The following GSTA5 variants were observed in gnomAD, a reference collection of about 807,000 sequenced individuals.
GSTA5 encodes the protein glutathione S-transferase A5.
GSTA5 carries 25 observed loss-of-function variants against 21.8 expected under a neutral mutation model. That is an observed-to-expected ratio of 1.14 (90% CI 0.83 to 1.60). The LOEUF (loss-of-function observed/expected upper bound fraction) is 1.60. GSTA5 is among the 40% of genes most tolerant of loss of function. The probability of loss-of-function intolerance (pLI) is 0.00; values close to 1 mark genes in which losing one functional copy is unlikely to be tolerated. For synonymous variants in GSTA5, 102 were observed against 89.5 expected, an observed-to-expected ratio of 1.14 and a Z score of -0.78; for missense variants, 330 against 259.2, an observed-to-expected ratio of 1.27 and a Z score of -1.88.
At position 52,838,318 on chromosome 6, in the gene GSTA5, T is replaced by G. The variant is rs1176737890; in HGVS notation, c.88-709A>C. Among the ~76,000 whole-genome samples the G allele has an allele frequency of 2.0e-5, 3 of 152,234 alleles. No homozygotes were observed. The East Asian group carries it at 5.8e-4, about 29-fold the overall frequency. ...GACTTTGGACATGTTACCGAAACTC[T>G]CTGTGTCTGAGTATGCTAATCTATG... is the stretch of plus-strand genomic sequence containing the variant. On this transcript the variant is annotated intron_variant, in intron 1 of 5. Transcript: ENST00000370989.
chr6:52,839,259 GC>G (rs1361895528), intron 1 of GSTA5, among the ~76,000 whole-genome samples: 1 of 152,152 alleles, frequency 6.6e-6, no homozygotes, highest in Non-Finnish European at 1.5e-5. Flanking sequence ...AGTCAGCCCT[GC>G]CCCCGCCTTC....
chr6:52,833,548 G>C (rs72938116), intron 4 of GSTA5, among the ~76,000 whole-genome samples: 1 of 152,260 alleles, frequency 6.6e-6, no homozygotes, highest in Non-Finnish European at 1.5e-5. Context: ...CATCGACTCT[G>C]GTTCCTAACC....
intron 2 of GSTA5, among the ~76,000 whole-genome samples, chr6:52,837,092 T>C (rs1315725230): frequency 6.6e-6 from 1 of 152,178 alleles, no homozygotes; most frequent in Non-Finnish European, 1.5e-5. Flanking sequence ...GTTTTTAATA[T>C]AAGGGTCCCC....
chr6:52,833,588 T>G (rs1277829006), intron 4 of GSTA5, among the ~76,000 whole-genome samples: 1 of 152,174 alleles, frequency 6.6e-6, no homozygotes, highest in South Asian at 2.1e-4. Context: ...CAAGCTGAAG[T>G]GTTTAGGGGT....
exon 6 of GSTA5, chr6:52,831,870 G>A: frequency 6.2e-7 from 1 of 1,614,038 alleles, no homozygotes; most frequent in Non-Finnish European, 8.5e-7. Flanking sequence ...AATCTTCCTT[G>A]CTTCTTCTAA....
exon 6 of GSTA5, chr6:52,831,735 G>T: frequency 8.0e-7 from 1 of 1,246,496 alleles, no homozygotes; most frequent in Non-Finnish European, 1.1e-6. Context: ...CATGTAATTG[G>T]AAAGAGTTTA....
chr6:52,839,261 C>T (rs1424058990), intron 1 of GSTA5, among the ~76,000 whole-genome samples: 1 of 152,108 alleles, frequency 6.6e-6, no homozygotes, highest in African/African-American at 2.4e-5. Flanking sequence ...TCAGCCCTGC[C>T]CCCGCCTTCA....
chr6:52,841,098 C>T (rs73740672), upstream of GSTA5, among the ~76,000 whole-genome samples: 1,715 of 152,262 alleles, frequency 0.011, 28 homozygotes, highest in African/African-American at 0.039. Flanking sequence ...AATACATGTA[C>T]AGGAGTTAAT....
exon 4 of GSTA5, chr6:52,834,262 C>T (rs779384543): frequency 1.2e-6 from 2 of 1,613,828 alleles, no homozygotes; most frequent in African/African-American, 2.7e-5. Flanking sequence ...ATCTACTATA[C>T]CTTCTGTGTA....
chr6:52,837,489 G>T, intron 2 of GSTA5, 69 bp downstream of exon 2: 1 of 994,246 alleles, frequency 1.0e-6, no homozygotes, highest in East Asian at 2.5e-5. Context: ...AGGTATTCCT[G>T]GCTGCTCAAC....
upstream of GSTA5, among the ~76,000 whole-genome samples, chr6:52,845,721 G>T (rs1448605647): frequency 6.6e-6 from 1 of 152,192 alleles, no homozygotes. Context: ...TATAGAGAAA[G>T]AAATTTTTGC....
At chr6:52,832,948 G>T in exon 5 of GSTA5, 1 of 1,614,116 alleles carries the variant, frequency 6.2e-7, no homozygotes, top group Non-Finnish European at 8.5e-7. Flanking sequence ...GCCCAGCTCA[G>T]CTTGTTGCCA....
exon 6 of GSTA5, chr6:52,831,724 G>C (rs2127321647): frequency 9.0e-7 from 1 of 1,106,640 alleles, no homozygotes; most frequent in Non-Finnish European, 1.3e-6. Context: ...TATTTAATTA[G>C]CATGTAATTG....
chr6:52,841,598 T>A (rs1188160857), upstream of GSTA5, among the ~76,000 whole-genome samples: 2 of 152,208 alleles, frequency 1.3e-5, no homozygotes, highest in African/African-American at 4.8e-5. Flanking sequence ...TGGGGGGCAT[T>A]TTGTTTTATA....
exon 5 of GSTA5, chr6:52,832,972 G>T (rs1442112735): frequency 6.2e-7 from 1 of 1,614,118 alleles, no homozygotes; most frequent in Admixed American, 1.7e-5. Flanking sequence ...AGGTAGTCTT[G>T]TCTGTGGCTC....
At chr6:52,831,696 CAGATA>C (rs753781384) in exon 6 of GSTA5, 206 of 884,846 alleles carry the variant, frequency 2.3e-4, no homozygotes, top group Non-Finnish European at 3.2e-4. Context: ...GCTAAGTTGA[CAGATA>C]AGAGTTATTT....
intron 2 of GSTA5, 38 bp from the exon 3 acceptor site, chr6:52,836,406 A>G: frequency 6.2e-7 from 1 of 1,600,962 alleles, no homozygotes; most frequent in South Asian, 1.1e-5. Flanking sequence ...TGAAGTGTCT[A>G]TGAAACCCAC....
intron 3 of GSTA5, among the ~76,000 whole-genome samples, chr6:52,834,868 G>A (rs1375326977): frequency 6.6e-6 from 1 of 152,100 alleles, no homozygotes; most frequent in East Asian, 1.9e-4. Context: ...CCTAACTCTA[G>A]CCATGTGTGC....
upstream of GSTA5, among the ~76,000 whole-genome samples, chr6:52,841,087 T>C (rs1764372299): frequency 6.6e-6 from 1 of 152,190 alleles, no homozygotes; most frequent in Non-Finnish European, 1.5e-5. Context: ...TATGTGGTAA[T>C]AATACATGTA....
Sources: allele counts gnomAD v4.1 joint callset (sites outside exome capture counted in the v4.1 genomes callset), GRCh38; gene constraint gnomAD v4.1.1; transcripts MANE v1.5; gene names NCBI Gene and HGNC (gene_info 2026-07-23, HGNC 2026-07-21).